Variants in HACD2 observed in about 807,000 individuals in gnomAD.
HACD2 encodes very-long-chain (3R)-3-hydroxyacyl-CoA dehydratase 2.
A neutral mutation model predicts 31.0 loss-of-function variants in HACD2; 15 were observed. That is an observed-to-expected ratio of 0.48 (90% CI 0.32 to 0.75). The LOEUF (loss-of-function observed/expected upper bound fraction) is 0.75, where lower values mean the gene tolerates loss of function less well. Ranked by LOEUF, HACD2 falls within the 30% of genes least tolerant of loss-of-function variation. HACD2 has a pLI of 0.03. For missense variants in HACD2, 283 were observed against 313.0 expected (o/e 0.90, Z 0.72); for synonymous variants, 115 against 122.2 (o/e 0.94, Z 0.39).
chr3:123,513,122 C>T (rs1230753412), intron 4 of HACD2, among the ~76,000 whole-genome samples: 3 of 152,164 alleles, frequency 2.0e-5, no homozygotes, highest in Non-Finnish European at 2.9e-5. Context: ...GAAGAACTCC[C>T]ACTGGCCAAA....
In HACD2 at chr3:123,493,647, C is replaced by T. The variant is rs2055794515; in HGVS notation, c.*1241G>A. The stretch of plus-strand genomic sequence containing the variant: ...GTTTACCTACAGTTGCAGTACCAAT[C>T]CTTTCTTGAGGAGTTTTAAATGCAT... On this transcript the variant is annotated 3_prime_UTR_variant, in exon 7 of 7. Coordinates refer to ENST00000383657, the MANE Select transcript of HACD2 (RefSeq NM_198402.5). The T allele has an allele frequency of 6.6e-6, 1 of 152,112 alleles. No individual in the cohort carries two copies. Among genetic ancestry groups the T allele is most frequent in the Non-Finnish European group, 1.5e-5 (1 of 68,024 alleles). The allele number at this position is 152,112 out of a possible 1,614,324, so 9.4% of individuals were successfully genotyped here. A position where few individuals can be genotyped will look rare whatever the true frequency, so the allele number is the denominator to read the frequency against.
chr3:123,540,569 G>A lies in HACD2; in HGVS notation c.293-12095C>T, dbSNP rs147962036. Among the ~76,000 whole-genome samples, 277 of 152,346 alleles carry A rather than the reference G, an allele frequency of 1.8e-3. 2 individuals are homozygous for A. The highest frequency in any genetic ancestry group is 6.4e-3 in the African/African-American group (267 of 41,578). ...AGATGTCATTCTCTGAGAGGACACA[G>A]TGAGTCAATTGTAAGTCATGGAAAC... On this transcript the variant is annotated intron_variant, in intron 3 of 6. Transcript: ENST00000383657.
chr3:123,528,530 AAT>A, intron 3 of HACD2, 56 bp from the exon 4 acceptor site: 1 of 1,051,974 alleles, frequency 9.5e-7, no homozygotes, highest in Non-Finnish European at 1.5e-6. Context: ...TTCGATATAT[AAT>A]ATATTTTCTA....
rs2055778091 is a variant in HACD2, at chr3:123,492,639, A to G, written c.*2249T>C. The stretch of plus-strand genomic sequence containing the variant: ...CATTGCCAAAGTTCAATTCAATGCA[A>G]CACCACTGTTTGCAACAGAATGTTT... On this transcript the variant is annotated 3_prime_UTR_variant, in exon 7 of 7. Transcript: ENST00000383657. 6.6e-6 allele frequency: 1 copy of G among 152,176 alleles called. No homozygotes were observed. Among genetic ancestry groups the G allele is most frequent in the African/African-American group, 2.4e-5 (1 of 41,432 alleles). 9.4% of individuals were successfully genotyped at this position (152,176 alleles called of 1,614,324 possible).
At chr3:123,581,102 G>C (rs766213966) in intron 2 of HACD2, among the ~76,000 whole-genome samples, 1 of 152,140 alleles carries the variant, frequency 6.6e-6, no homozygotes, top group Non-Finnish European at 1.5e-5. Context: ...TTACAGGCGT[G>C]AGCCACCGTG....
rs1436796945 is a variant in HACD2 at position 123,584,860 on chromosome 3, G to A, written c.155+13C>T. ...CCGCGCTGGCTCCCCGCCTCCCCGA[G>A]CCCCAGCCTCACCCGGCTGTCATCA... On this transcript the variant is annotated intron_variant, in intron 1 of 6. Coordinates refer to ENST00000383657, the MANE Select transcript of HACD2 (RefSeq NM_198402.5). 1.3e-6 allele frequency: 2 copies of A among 1,491,540 alleles called. No homozygotes were observed. Among genetic ancestry groups the A allele is most frequent in the Non-Finnish European group, 1.8e-6 (2 of 1,120,220 alleles). The allele number at this position is 1,491,540 out of a possible 1,614,324, so 92.4% of individuals were successfully genotyped here.
At chr3:123,501,410 A>G (rs528072370) in intron 5 of HACD2, among the ~76,000 whole-genome samples, 42 of 152,330 alleles carry the variant, frequency 2.8e-4, no homozygotes, top group Non-Finnish European at 4.6e-4. Context: ...GTAAGCCACT[A>G]TAAGTATTGC....
chr3:123,585,007 A>C lies in HACD2; in HGVS notation c.21T>G (p.Thr7=). The part of the protein sequence containing the change: MAAVAA[T]AAAKGNGGGG... ...CGCCCCCATTCCCCTTCGCTGCTGCAGTCGCCGCCACTGCCGCCATGTCAA... is the reference window on the plus strand; with the variant it reads ...CGCCCCCATTCCCCTTCGCTGCTGCCGTCGCCGCCACTGCCGCCATGTCAA... The change falls in exon 1 of 7, where the codon ACT becomes ACG. Residue 7 remains threonine (T), a synonymous_variant. Coordinates refer to ENST00000383657, the MANE Select transcript of HACD2 (RefSeq NM_198402.5). 9 of 1,498,784 alleles carry C rather than the reference A, an allele frequency of 6.0e-6. No individual in the cohort carries two copies. Among genetic ancestry groups the C allele is most frequent in the Non-Finnish European group, 6.2e-6 (7 of 1,122,884 alleles). 92.8% of individuals were successfully genotyped at this position (1,498,784 alleles called of 1,614,324 possible).
At chr3:123,540,581 T>C (rs2056477898) in intron 3 of HACD2, among the ~76,000 whole-genome samples, 1 of 152,236 alleles carries the variant, frequency 6.6e-6, no homozygotes, top group Non-Finnish European at 1.5e-5. Flanking sequence ...GAGTCAATTG[T>C]AAGTCATGGA....
chr3:123,520,022 T>C (rs1418109037), intron 4 of HACD2, among the ~76,000 whole-genome samples: 1 of 152,192 alleles, frequency 6.6e-6, no homozygotes, highest in East Asian at 1.9e-4. Context: ...GCATGTAAAA[T>C]GGTTTCCAAC....
chr3:123,569,713 C>T (rs986827912), intron 2 of HACD2, among the ~76,000 whole-genome samples: 1 of 151,990 alleles, frequency 6.6e-6, no homozygotes, highest in Non-Finnish European at 1.5e-5. Context: ...ACTGGCCAGG[C>T]ATGGTGGCTC....
intron 2 of HACD2, among the ~76,000 whole-genome samples, chr3:123,574,096 A>G (rs2056882948): frequency 6.6e-6 from 1 of 152,200 alleles, no homozygotes; most frequent in African/African-American, 2.4e-5. Flanking sequence ...CTTAAGAACA[A>G]TTCTATTTTT....
intron 3 of HACD2, among the ~76,000 whole-genome samples, chr3:123,549,601 A>T (rs1470649800): frequency 6.6e-6 from 1 of 152,082 alleles, no homozygotes; most frequent in Non-Finnish European, 1.5e-5. Context: ...TACAAAACTT[A>T]GCTGGGCGTG....
rs546338477 is a variant in HACD2 at position 123,512,259 on chromosome 3, T to C, written c.382-9578A>G. Among the ~76,000 whole-genome samples the C allele has an allele frequency of 3.9e-5, 6 of 152,196 alleles. No individual in the cohort carries two copies. The South Asian group carries it at 1.2e-3, about 32-fold the overall frequency. ...GCTAAGCAGAAATTGAAATACAAAA[T>C]ATGATTTCAATTCAAAATGAAAAGA... On this transcript the variant is annotated intron_variant, in intron 4 of 6. Transcript: ENST00000383657.
chr3:123,509,596 TCACGC>T (rs2056026164), intron 4 of HACD2, among the ~76,000 whole-genome samples: 1 of 151,052 alleles, frequency 6.6e-6, no homozygotes, highest in Non-Finnish European at 1.5e-5. Flanking sequence ...CTTCCCGGGT[TCACGC>T]CATTCTCCTG....
intron 3 of HACD2, among the ~76,000 whole-genome samples, chr3:123,547,386 T>G (rs1463465412): frequency 6.6e-6 from 1 of 152,212 alleles, no homozygotes; most frequent in Non-Finnish European, 1.5e-5. Flanking sequence ...TAAAGTACTG[T>G]GGGAATTACT....
chr3:123,544,387 A>G (rs560712896), intron 3 of HACD2, among the ~76,000 whole-genome samples: 70 of 152,286 alleles, frequency 4.6e-4, no homozygotes, highest in Non-Finnish European at 8.4e-4. Context: ...AGAAGACCCA[A>G]CCCACACAGA....
chr3:123,494,927 C>A lies in HACD2; in HGVS notation c.726G>T (p.Lys242Asn). 1.3e-6 allele frequency: 2 copies of A among 1,561,188 alleles called. No individual in the cohort carries two copies. The highest frequency in any genetic ancestry group is 1.7e-6 in the Non-Finnish European group (2 of 1,151,448). ...TGTGTTCTTCAGTATGAGAAAGGATCTTTCTTCTCTGGTGTATCATGTGGA... is the reference window on the plus strand; with the variant it reads ...TGTGTTCTTCAGTATGAGAAAGGATATTTCTTCTCTGGTGTATCATGTGGA... ...LYFHMIHQRRKILSHTEEHKK... is the reference protein window; with the variant it reads ...LYFHMIHQRRNILSHTEEHKK... Residue 242 changes from lysine (K) to asparagine (N), a missense_variant, in exon 7 of 7, where the codon AAG becomes AAT. This residue lies in a region of HACD2 where 40 missense variants were observed against 35.1 expected (regional missense o/e 1.14). Transcript: ENST00000383657.
chr3:123,574,215 AC>A (rs1362987165), intron 2 of HACD2, among the ~76,000 whole-genome samples: 1 of 152,216 alleles, frequency 6.6e-6, no homozygotes, highest in Non-Finnish European at 1.5e-5. Flanking sequence ...TGTTCTTGCT[AC>A]TGACAAACTG....
Sources: allele counts gnomAD v4.1 joint callset (sites outside exome capture counted in the v4.1 genomes callset), GRCh38; gene constraint gnomAD v4.1.1; regional missense constraint gnomAD v4.1.1; transcripts MANE v1.5; gene names NCBI Gene and HGNC (gene_info 2026-07-23, HGNC 2026-07-21).